The following ZNF638 variants were observed in gnomAD, a reference collection of about 807,000 sequenced individuals.
ZNF638 encodes zinc finger protein 638, also known as CTCL tumor antigen se33-1.
Under a neutral mutation model 195.6 loss-of-function variants are expected in ZNF638, and 46 were observed. The observed-to-expected ratio is 0.24, with a 90% CI of 0.19 to 0.30. The LOEUF is 0.30. ZNF638 is among the 10% of genes least tolerant of loss of function. The probability of loss-of-function intolerance (pLI) is 1.00; values close to 1 mark genes in which losing one functional copy is unlikely to be tolerated. For missense variants in ZNF638, 2,440 were observed against 2,325.3 expected (o/e 1.05, Z -1.01); for synonymous variants, 845 against 772.0 (o/e 1.09, Z -1.57).
rs572762521 is a variant in ZNF638, at chr2:71,398,859, G to A, written c.2500+87G>A. 1,831 of 1,177,816 alleles carry A rather than the reference G, an allele frequency of 1.6e-3. 4 individuals are homozygous for A. Among genetic ancestry groups the A allele is most frequent in the Admixed American group, 4.4e-3 (206 of 46,724 alleles). 73.0% of individuals were successfully genotyped at this position (1,177,816 alleles called of 1,614,324 possible). A position where few individuals can be genotyped will look rare whatever the true frequency, so the allele number is the denominator to read the frequency against. ...TAATAATTTTTAGCATCTAATACTTGAAGAGTTTAGTAGATATTTCCTTGA... is the reference window on the plus strand; with the variant it reads ...TAATAATTTTTAGCATCTAATACTTAAAGAGTTTAGTAGATATTTCCTTGA... On this transcript the variant is annotated intron_variant, in intron 12 of 27. Coordinates refer to ENST00000264447, the MANE Select transcript of ZNF638 (RefSeq NM_014497.5).
intron 20 of ZNF638, among the ~76,000 whole-genome samples, chr2:71,409,561 G>A (rs923135172): frequency 6.6e-6 from 1 of 152,122 alleles, no homozygotes; most frequent in Non-Finnish European, 1.5e-5. Flanking sequence ...TACACTCACA[G>A]GTGAGTTTCT....
intron 20 of ZNF638, among the ~76,000 whole-genome samples, chr2:71,410,973 A>G (rs148601117): frequency 2.0e-5 from 1 of 49,660 alleles, no homozygotes; most frequent in African/African-American, 8.5e-5. Context: ...TTTTCTCCCC[A>G]CCCACCACCT....
intron 1 of ZNF638, chr2:71,332,890 T>C (rs1356017737): frequency 6.6e-6 from 1 of 152,126 alleles, no homozygotes; most frequent in Non-Finnish European, 1.5e-5. Context: ...ATGAAAAACT[T>C]GTCACCAGGA....
intron 25 of ZNF638, among the ~76,000 whole-genome samples, chr2:71,429,488 T>C (rs1174810490): frequency 6.6e-6 from 1 of 152,180 alleles, no homozygotes; most frequent in Non-Finnish European, 1.5e-5. Flanking sequence ...AGAGTAAATC[T>C]AGGATCTCCC....
chr2:71,366,593 G>A (rs1048884933), intron 6 of ZNF638, among the ~76,000 whole-genome samples: 1 of 152,154 alleles, frequency 6.6e-6, no homozygotes, highest in Admixed American at 6.5e-5. Context: ...AGCTTCACAA[G>A]CAGATCACTG....
rs1398533203 is a variant in ZNF638, at chr2:71,427,274, C to T, written c.5405C>T (p.Pro1802Leu). The T allele has an allele frequency of 1.2e-6, 2 of 1,612,974 alleles. No homozygotes were observed. The highest frequency in any genetic ancestry group is 2.7e-5 in the African/African-American group (2 of 74,714). ...VELAQSKNDH[P>L]TDKKGNRKKR... ...TTAGCACAAAGCAAAAATGACCATC[C>T]CACAGATAAAAAAGGGAATAGAAAG... is the stretch of plus-strand genomic sequence containing the variant. The change falls in exon 24 of 28, where the codon CCC becomes CTC. Residue 1802 changes from proline to leucine, a missense_variant. Coordinates refer to ENST00000264447, the MANE Select transcript of ZNF638 (RefSeq NM_014497.5).
intron 20 of ZNF638, 75 bp downstream of exon 20, chr2:71,408,322 T>A: frequency 6.7e-7 from 1 of 1,487,876 alleles, no homozygotes; most frequent in Non-Finnish European, 9.0e-7. Context: ...CAGGTAGTAG[T>A]CAAACTGTTT....
chr2:71,376,420 T>G (rs2079426493), intron 8 of ZNF638: 1 of 152,204 alleles, frequency 6.6e-6, no homozygotes, highest in African/African-American at 2.4e-5. Flanking sequence ...TTTGTTTTGT[T>G]TTGTAAATAA....
chr2:71,368,260 AAAT>A (rs1573060162), intron 6 of ZNF638, 119 bp from the exon 7 acceptor site: 3 of 879,078 alleles, frequency 3.4e-6, no homozygotes, highest in Non-Finnish European at 3.2e-6. Flanking sequence ...AATGGGTAAA[AAAT>A]ATGGAAAAGA....
At chr2:71,352,506 AAAAAG>A (rs1306969662) in intron 2 of ZNF638, among the ~76,000 whole-genome samples, 12 of 151,126 alleles carry the variant, frequency 7.9e-5, no homozygotes, top group East Asian at 5.8e-4. Flanking sequence ...AAAAAAAAAA[AAAAAG>A]AAGAGGAGGG....
chr2:71,425,114 T>G (rs2080512212), intron 23 of ZNF638, among the ~76,000 whole-genome samples: 1 of 152,190 alleles, frequency 6.6e-6, no homozygotes, highest in Non-Finnish European at 1.5e-5. Flanking sequence ...TGGCTCTAAT[T>G]TAACCTTAAG....
At chr2:71,397,809 G>A (rs1448703680) in intron 11 of ZNF638, among the ~76,000 whole-genome samples, 1 of 152,096 alleles carries the variant, frequency 6.6e-6, no homozygotes, top group Non-Finnish European at 1.5e-5. Flanking sequence ...TTTATAAACA[G>A]TATCATCTTG....
intron 19 of ZNF638, 110 bp from the exon 20 acceptor site, chr2:71,408,012 C>T (rs912951864): frequency 5.2e-5 from 51 of 972,198 alleles, no homozygotes; most frequent in Non-Finnish European, 7.3e-5. Context: ...TAAGTATCGG[C>T]TTTCATTCCT....
intron 10 of ZNF638, chr2:71,380,815 A>C: frequency 3.1e-6 from 1 of 319,516 alleles, no homozygotes; most frequent in Non-Finnish European, 5.7e-6. Context: ...TCCACAGTTA[A>C]TAGCTGTTTT....
intron 20 of ZNF638, among the ~76,000 whole-genome samples, chr2:71,411,703 C>T (rs1302634894): frequency 1.1e-5 from 1 of 90,678 alleles, no homozygotes; most frequent in Non-Finnish European, 2.2e-5. Context: ...TCAATTCCCA[C>T]CTATGAGTGA....
At chr2:71,397,246 T>A (rs2079911824) in intron 11 of ZNF638, among the ~76,000 whole-genome samples, 1 of 152,214 alleles carries the variant, frequency 6.6e-6, no homozygotes, top group African/African-American at 2.4e-5. Flanking sequence ...AGCTATTTTT[T>A]ATTTTTTCCT....
At position 71,399,109 on chromosome 2, in the gene ZNF638, C is replaced by T. The variant is rs139806671; in HGVS notation, c.2500+337C>T. 3.3e-4 allele frequency among the ~76,000 whole-genome samples: 50 copies of T among 152,170 alleles called. No homozygotes were observed. The East Asian group carries it at 7.3e-3, about 22-fold the overall frequency. On this transcript the variant is annotated intron_variant, in intron 12 of 27. Transcript: ENST00000264447. ...TTCATATTGCCCTCTCCAGTTTGTA[C>T]AGTTTCTTAGATGCTTGTTACTTTT...
chr2:71,365,331 C>A, intron 5 of ZNF638, 98 bp from the exon 6 acceptor site: 2 of 973,840 alleles, frequency 2.1e-6, no homozygotes, highest in Non-Finnish European at 2.9e-6. Flanking sequence ...CTGTGTGCTC[C>A]CTGTTTAGCT....
At chr2:71,358,790 A>G (rs974892389) in intron 3 of ZNF638, among the ~76,000 whole-genome samples, 4 of 152,046 alleles carry the variant, frequency 2.6e-5, no homozygotes, top group Admixed American at 2.6e-4. Context: ...ACTCTTTCCT[A>G]TCGGTGCCAT....
Sources: allele counts gnomAD v4.1 joint callset (sites outside exome capture counted in the v4.1 genomes callset), GRCh38; gene constraint gnomAD v4.1.1; transcripts MANE v1.5; gene names NCBI Gene and HGNC (gene_info 2026-07-23, HGNC 2026-07-21).